Variants in PLAGL1 observed in about 807,000 individuals in gnomAD.
The protein encoded by PLAGL1 is PLAG1 like zinc finger 1, also known as zinc finger protein PLAGL1.
A neutral mutation model predicts 4.6 loss-of-function variants in PLAGL1; 1 was observed. The ratio of observed to expected loss-of-function variants is 0.22; its 90% CI spans 0.08 to 1.03. The LOEUF (loss-of-function observed/expected upper bound fraction) is 1.03, where lower values mean the gene tolerates loss of function less well. PLAGL1 is among the 50% of genes least tolerant of loss of function. PLAGL1 has a pLI of 0.58. For missense variants in PLAGL1, 464 were observed against 570.4 expected (o/e 0.81, Z 1.90); for synonymous variants, 240 against 237.8 (o/e 1.01, Z -0.08).
Position 143,955,059 on chromosome 6 carries a change from A to G in PLAGL1, c.-325+5410T>C, listed in dbSNP as rs1394167165. Among the ~76,000 whole-genome samples the G allele has an allele frequency of 6.6e-6, 1 of 152,266 alleles. No individual in the cohort carries two copies. Among genetic ancestry groups the G allele is most frequent in the Non-Finnish European group, 1.5e-5 (1 of 68,048 alleles). The stretch of plus-strand genomic sequence containing the variant: ...TGTGTTTCCTCAGGAATGAATGGAC[A>G]GAATACAATTACATTGCTCTATAAT... On this transcript the variant is annotated intron_variant, in intron 6 of 7. Coordinates refer to ENST00000674357, the MANE Select transcript of PLAGL1 (RefSeq NM_001317162.2). This position sits in a 1 kb window ranked among gnomAD's most constrained non-coding sequence, Gnocchi z 4.9.
rs9386054 is a variant in PLAGL1 at position 143,979,820 on chromosome 6, T to C, written c.-544+5315A>G. Among the ~76,000 whole-genome samples the C allele has an allele frequency of 3.0e-4, 46 of 152,168 alleles. No homozygotes were observed. The East Asian group carries it at 3.9e-3, about 13-fold the overall frequency. On this transcript the variant is annotated intron_variant, in intron 2 of 7. Coordinates refer to ENST00000674357, the MANE Select transcript of PLAGL1 (RefSeq NM_001317162.2). This position sits in a 1 kb window ranked among gnomAD's most constrained non-coding sequence, Gnocchi z 4.6. The stretch of plus-strand genomic sequence containing the variant: ...CTTTATTAAATCAACTGACAATAAA[T>C]GTGAGAGTTTAAAAAAAAAGATTTC...
chr6:143,996,694 G>A (rs536710299), intron 1 of PLAGL1, among the ~76,000 whole-genome samples: 3 of 147,890 alleles, frequency 2.0e-5, no homozygotes, highest in South Asian at 4.3e-4. Flanking sequence ...TGAGGTAGAC[G>A]AACAGAACAA....
In PLAGL1 at chr6:143,953,929, A is replaced by T. The variant is rs1781564263; in HGVS notation, c.-324-5469T>A. 2.0e-5 allele frequency among the ~76,000 whole-genome samples: 3 copies of T among 152,178 alleles called. No individual in the cohort carries two copies. In the South Asian group the frequency reaches 6.2e-4, roughly 32 times the overall value. ...CACTGAGCCCTCCTGACCTCTCCTG[A>T]TGCCTGCAGTGGGGTGCCTGCCCTT... On this transcript the variant is annotated intron_variant, in intron 6 of 7. Transcript: ENST00000674357. The surrounding 1 kb of genome is among the most constrained non-coding windows in gnomAD (Gnocchi z 5.3).
In PLAGL1 at chr6:143,997,566, A is replaced by G. The variant is rs1373881541; in HGVS notation, c.-584+10524T>C. Among the ~76,000 whole-genome samples the G allele has an allele frequency of 6.6e-6, 1 of 152,190 alleles. No individual in the cohort carries two copies. Among genetic ancestry groups the G allele is most frequent in the African/African-American group, 2.4e-5 (1 of 41,452 alleles). ...TATACTTAAAATTCAAGAATAGACA[A>G]AACAGGGAGGCTCAGGTGGGAGGAT... On this transcript the variant is annotated intron_variant, in intron 1 of 7. Coordinates refer to ENST00000674357, the MANE Select transcript of PLAGL1 (RefSeq NM_001317162.2). This position sits in a 1 kb window ranked among gnomAD's most constrained non-coding sequence, Gnocchi z 4.6.
In PLAGL1 at chr6:143,950,124, A is replaced by G. The variant is rs1316187759; in HGVS notation, c.-324-1664T>C. Among the ~76,000 whole-genome samples, 4 of 152,166 alleles carry G rather than the reference A, an allele frequency of 2.6e-5. No individual in the cohort carries two copies. Among genetic ancestry groups the G allele is most frequent in the Non-Finnish European group, 5.9e-5 (4 of 68,018 alleles). ...CCTGCCTCACCCACTTGGAAACGTG[A>G]AAGCTGACTCGGGCACTTTTGGTCA... On this transcript the variant is annotated intron_variant, in intron 6 of 7. Transcript: ENST00000674357. This position sits in a 1 kb window ranked among gnomAD's most constrained non-coding sequence, Gnocchi z 6.3.
At chr6:144,030,210 G>C (rs1796698210) in intron 1 of PLAGL1, among the ~76,000 whole-genome samples, 1 of 125,168 alleles carries the variant, frequency 8.0e-6, no homozygotes, top group African/African-American at 3.2e-5. Context: ...AGCCGAGATT[G>C]CGCCACTGCA....
rs190970136 is a variant in PLAGL1 at position 144,031,462 on chromosome 6, C to A, written c.-151+33006G>T. 3.0e-4 allele frequency among the ~76,000 whole-genome samples: 45 copies of A among 152,296 alleles called. No homozygotes were observed. The East Asian group carries it at 8.3e-3, about 28-fold the overall frequency. Reference sequence around the variant, plus strand: ...AGAAGGATTTTTCTGATGTTATCTTCTAGAACTTTTACAGTTTCAGGTCTT... The same window carrying A: ...AGAAGGATTTTTCTGATGTTATCTTATAGAACTTTTACAGTTTCAGGTCTT... On this transcript the variant is annotated intron_variant, in intron 1 of 3. Transcript: ENST00000437412.
rs1268565290 is a variant in PLAGL1, at chr6:144,005,375, G to A, written c.-584+2715C>T. ...GTATTTTCAAATGACAAATAAACCA[G>A]GATTAACAGCCTGGAAATAAGCCCA... On this transcript the variant is annotated intron_variant, in intron 1 of 7. Transcript: ENST00000674357. The surrounding 1 kb of genome is among the most constrained non-coding windows in gnomAD (Gnocchi z 4.6). 2.0e-5 allele frequency: 3 copies of A among 152,076 alleles called. No individual in the cohort carries two copies. Among genetic ancestry groups the A allele is most frequent in the Non-Finnish European group, 2.9e-5 (2 of 67,982 alleles). The allele number at this position is 152,076 out of a possible 1,614,324, so 9.4% of individuals were successfully genotyped here.
rs932295462 is a variant in PLAGL1 at position 144,016,121 on chromosome 6, T to C, written c.-150-47143A>G. Reference sequence around the variant, plus strand: ...AGATATACATATGTGTATATATATATATACACACACATATACATATGAGTT... The same window carrying C: ...AGATATACATATGTGTATATATATACATACACACACATATACATATGAGTT... On this transcript the variant is annotated intron_variant, in intron 1 of 3. Coordinates refer to the PLAGL1 transcript ENST00000437412. The surrounding 1 kb of genome is among the most constrained non-coding windows in gnomAD (Gnocchi z 4.2). Among the ~76,000 whole-genome samples the C allele has an allele frequency of 6.6e-6, 1 of 152,148 alleles. No homozygotes were observed. Among genetic ancestry groups the C allele is most frequent in the Non-Finnish European group, 1.5e-5 (1 of 68,030 alleles).
chr6:144,038,991 C>A (rs1461534436), intron 1 of PLAGL1, among the ~76,000 whole-genome samples: 1 of 152,020 alleles, frequency 6.6e-6, no homozygotes, highest in African/African-American at 2.4e-5. Flanking sequence ...GAAAAGAAAA[C>A]CATGCCAAGA....
intron 1 of PLAGL1, among the ~76,000 whole-genome samples, chr6:143,999,701 C>T (rs894268140): frequency 6.6e-5 from 10 of 152,092 alleles, no homozygotes; most frequent in Middle Eastern, 3.2e-3. Flanking sequence ...ATGAATATTA[C>T]ATGAAAAAAT....
chr6:144,052,568 T>G (rs889226497), intron 1 of PLAGL1, among the ~76,000 whole-genome samples: 1 of 152,178 alleles, frequency 6.6e-6, no homozygotes, highest in Non-Finnish European at 1.5e-5. Flanking sequence ...GTTAAACAAA[T>G]GAATGGATGA....
At chr6:143,981,745 C>A (rs202105736) in intron 2 of PLAGL1, among the ~76,000 whole-genome samples, 1 of 152,098 alleles carries the variant, frequency 6.6e-6, no homozygotes, top group East Asian at 1.9e-4. Flanking sequence ...CCTCTCAGTA[C>A]GAAGTTCCAA....
Position 144,050,582 on chromosome 6 carries a change from GCA to G in PLAGL1, c.-151+13884_-151+13885del, listed in dbSNP as rs1226644759. Among the ~76,000 whole-genome samples the G allele has an allele frequency of 6.6e-6, 1 of 152,154 alleles. No homozygotes were observed. Among genetic ancestry groups the G allele is most frequent in the Non-Finnish European group, 1.5e-5 (1 of 68,038 alleles). On this transcript the variant is annotated intron_variant, in intron 1 of 3. Transcript: ENST00000437412. The surrounding 1 kb of genome is among the most constrained non-coding windows in gnomAD (Gnocchi z 4.3). Reference sequence around the variant, plus strand: ...CTTATTCCTGCCTTGCAAAGAATAAGCACATGATATTTATACACATCTCTGTG... The same window carrying G: ...CTTATTCCTGCCTTGCAAAGAATAAGCATGATATTTATACACATCTCTGTG...
intron 1 of PLAGL1, among the ~76,000 whole-genome samples, chr6:144,032,607 G>T (rs1041906244): frequency 4.6e-5 from 7 of 152,114 alleles, no homozygotes; most frequent in African/African-American, 1.7e-4. Context: ...TGTCACTCAG[G>T]CTGGAGTCAA....
At chr6:144,008,889 G>A (rs377273622), upstream of PLAGL1, 10 of 152,344 alleles carry the variant, frequency 6.6e-5, no homozygotes, top group African/African-American at 2.4e-4. This position sits in a 1 kb window ranked among gnomAD's most constrained non-coding sequence, Gnocchi z 6.9. Context: ...CGAAGACGCA[G>A]AAAGGGTAGA....
rs1791943550 is a variant in PLAGL1 at position 143,997,634 on chromosome 6, T to C, written c.-584+10456A>G. Among the ~76,000 whole-genome samples, 1 of 152,146 alleles carries C rather than the reference T, an allele frequency of 6.6e-6. No individual in the cohort carries two copies. The highest frequency in any genetic ancestry group is 1.5e-5 in the Non-Finnish European group (1 of 68,026). ...TTGAGGCTGCTGTGAACTGTCATCC[T>C]GTCATCATGCAATCACACTCCAGCC... On this transcript the variant is annotated intron_variant, in intron 1 of 7. Transcript: ENST00000674357. The surrounding 1 kb of genome is among the most constrained non-coding windows in gnomAD (Gnocchi z 4.6).
rs751297308 is a variant in PLAGL1, at chr6:143,991,159, C to T, written c.-583-5985G>A. On this transcript the variant is annotated intron_variant, in intron 1 of 7. Coordinates refer to ENST00000674357, the MANE Select transcript of PLAGL1 (RefSeq NM_001317162.2). ...AAGGTTGGAAAACCTAGAACTGATG[C>T]AAATTTGCTATGAAGAAACACCTCA... 9.2e-5 allele frequency among the ~76,000 whole-genome samples: 14 copies of T among 152,252 alleles called. No individual in the cohort carries two copies. The Middle Eastern group carries it at 0.014, about 148-fold the overall frequency.
At chr6:144,051,022 C>A (rs537255111) in intron 1 of PLAGL1, among the ~76,000 whole-genome samples, 7 of 152,164 alleles carry the variant, frequency 4.6e-5, no homozygotes, top group Non-Finnish European at 1.0e-4. Flanking sequence ...AATCTTAAAT[C>A]AGCTTTAAAA....
Sources: gnomAD v4.1 joint callset for allele counts (sites outside exome capture counted in the v4.1 genomes callset) on GRCh38, gnomAD v4.1.1 for gene constraint, Gnocchi (gnomAD v3.1) non-coding constraint, MANE v1.5 for transcripts, NCBI Gene and HGNC (gene_info 2026-07-23, HGNC 2026-07-21) for gene names.